RAB4A: variants seen among roughly 807,000 people sequenced by gnomAD.
The protein encoded by RAB4A is RAB4A, member RAS oncogene family.
Under a neutral mutation model 34.5 loss-of-function variants are expected in RAB4A, and 20 were observed. The observed-to-expected ratio is 0.58, with a 90% confidence interval of 0.41 to 0.84. The LOEUF (loss-of-function observed/expected upper bound fraction) is 0.84, where lower values mean the gene tolerates loss of function less well. RAB4A is among the 40% of genes least tolerant of loss of function. RAB4A has a pLI of 0.00. For missense variants in RAB4A, 228 were observed against 274.5 expected (o/e 0.83, Z 1.20); for synonymous variants, 102 against 100.0 (o/e 1.02, Z -0.12).
chr1:229,302,600 G>A (rs1657442849), intron 6 of RAB4A, among the ~76,000 whole-genome samples: 1 of 151,496 alleles, frequency 6.6e-6, no homozygotes, highest in East Asian at 1.9e-4. Context: ...GTATAAAAGA[G>A]TATGCAATGA....
chr1:229,279,066 C>T (rs915239703), intron 1 of RAB4A, among the ~76,000 whole-genome samples: 2 of 152,192 alleles, frequency 1.3e-5, no homozygotes, highest in Non-Finnish European at 2.9e-5. Context: ...TCTCAGTTTT[C>T]GTAATCACAG....
At chr1:229,295,142 G>C (rs942965663) in intron 3 of RAB4A, among the ~76,000 whole-genome samples, 1 of 151,916 alleles carries the variant, frequency 6.6e-6, no homozygotes, top group African/African-American at 2.4e-5. Flanking sequence ...TGTAGAGACA[G>C]GGTCTCTCTC....
At chr1:229,272,372 C>G (rs554295596) in intron 1 of RAB4A, among the ~76,000 whole-genome samples, 1 of 152,252 alleles carries the variant, frequency 6.6e-6, no homozygotes, top group African/African-American at 2.4e-5. Context: ...GCAACAAATA[C>G]TGTGGAATGG....
At chr1:229,299,938 C>T (rs1050948674) in intron 6 of RAB4A, among the ~76,000 whole-genome samples, 4 of 152,084 alleles carry the variant, frequency 2.6e-5, no homozygotes, top group African/African-American at 4.8e-5. Context: ...TGAGCTCAGT[C>T]TTTCAGAATA....
In RAB4A at chr1:229,299,979, G is replaced by C. The variant is rs1200955530; in HGVS notation, c.541+907G>C. ...AAGAGTGAGCCAGCAAAGGGAGTGAGGAAGAGGGAATAGCAGGAGAAAAGG... is the reference window on the plus strand; with the variant it reads ...AAGAGTGAGCCAGCAAAGGGAGTGACGAAGAGGGAATAGCAGGAGAAAAGG... On this transcript the variant is annotated intron_variant, in intron 6 of 7. Transcript: ENST00000366690. Among the ~76,000 whole-genome samples, 6 of 152,122 alleles carry C rather than the reference G, an allele frequency of 3.9e-5. No homozygotes were observed. The East Asian group carries it at 1.2e-3, about 29-fold the overall frequency.
In RAB4A at chr1:229,297,592, G is replaced by T. The variant is rs370982346; in HGVS notation, c.401G>T (p.Arg134Leu). 31 of 1,611,482 alleles carry T rather than the reference G, an allele frequency of 1.9e-5. No homozygotes were observed. Among genetic ancestry groups the T allele is most frequent in the Non-Finnish European group, 2.5e-5 (29 of 1,179,504 alleles). ...AACAAGAAGGACCTGGATGCAGATC[G>T]TGAAGTTACCTTCTTAGAAGCCTCC... is the stretch of plus-strand genomic sequence containing the variant. Reference protein sequence around the residue: ...CGNKKDLDADREVTFLEASRF... With the variant: ...CGNKKDLDADLEVTFLEASRF... Residue 134 changes from arginine to leucine, a missense_variant, in exon 5 of 8, where the codon CGT becomes CTT. Transcript: ENST00000366690.
intron 1 of RAB4A, among the ~76,000 whole-genome samples, chr1:229,277,771 C>A (rs1656687357): frequency 6.6e-6 from 1 of 151,326 alleles, no homozygotes; most frequent in South Asian, 2.1e-4. Flanking sequence ...ACTTCCCTGA[C>A]TGCTCCCTGG....
chr1:229,280,489 G>C, intron 1 of RAB4A, among the ~76,000 whole-genome samples: 1 of 152,138 alleles, frequency 6.6e-6, no homozygotes, highest in East Asian at 1.9e-4. Flanking sequence ...TGAATCCTTT[G>C]CTAGTTCTTC....
chr1:229,302,935 G>A lies in RAB4A; in HGVS notation c.615G>A (p.Pro205=), dbSNP rs370353834. ...GDAALRQLRS[P]RRAQAPNAQE... is the part of the protein sequence containing the mutation. ...CTGCCTTGAGACAGCTGAGGTCACC[G>A]CGGCGCGCACAGGCCCCGAACGCTC... Residue 205 remains proline, a synonymous_variant, in exon 7 of 8, where the codon CCG becomes CCA. Coordinates refer to ENST00000366690, the MANE Select transcript of RAB4A (RefSeq NM_004578.4). 26 of 1,613,970 alleles carry A rather than the reference G, an allele frequency of 1.6e-5. No homozygotes were observed. The highest frequency in any genetic ancestry group is 1.1e-4 in the East Asian group (5 of 44,884).
intron 1 of RAB4A, among the ~76,000 whole-genome samples, chr1:229,283,210 T>C (rs1454992527): frequency 6.6e-6 from 1 of 152,200 alleles, no homozygotes; most frequent in Non-Finnish European, 1.5e-5. Flanking sequence ...AGGATTAGAA[T>C]GTTCTCGTCC....
chr1:229,305,430 A>G lies in RAB4A; in HGVS notation c.*1637A>G. ...TAAATGTAAAGTTGTTTTATAAACG[A>G]TCCTGTTAATTAAACCACAGACACC... On this transcript the variant is annotated 3_prime_UTR_variant, in exon 8 of 8. Transcript: ENST00000366690. 1.3e-6 allele frequency: 1 copy of G among 796,338 alleles called. No individual in the cohort carries two copies. Among genetic ancestry groups the G allele is most frequent in the African/African-American group, 1.8e-5 (1 of 55,638 alleles). 49.3% of individuals were successfully genotyped at this position (796,338 alleles called of 1,614,324 possible). A position where few individuals can be genotyped will look rare whatever the true frequency, so the allele number is the denominator to read the frequency against.
chr1:229,287,614 A>C (rs2102844203), intron 2 of RAB4A, among the ~76,000 whole-genome samples: 1 of 152,304 alleles, frequency 6.6e-6, no homozygotes, highest in Middle Eastern at 3.4e-3. Context: ...TCACAACAGT[A>C]ATGAACGGAA....
intron 5 of RAB4A, 103 bp from the exon 6 acceptor site, chr1:229,298,874 A>T: frequency 1.3e-6 from 1 of 789,390 alleles, no homozygotes. Context: ...GTCATAAATT[A>T]TATTTCGTCT....
chr1:229,304,181 T>G lies in RAB4A; in HGVS notation c.*388T>G, dbSNP rs923196153. ...TTTTTTTTAATCATATGAACTAAAA[T>G]TGTCAATTGTGAGGTGTGCTTTTCT... On this transcript the variant is annotated 3_prime_UTR_variant, in exon 8 of 8. Transcript: ENST00000366690. The G allele has an allele frequency of 2.0e-5, 3 of 152,154 alleles. No homozygotes were observed. The highest frequency in any genetic ancestry group is 6.5e-5 in the Admixed American group (1 of 15,284). 9.4% of individuals were successfully genotyped at this position (152,154 alleles called of 1,614,324 possible). A position where few individuals can be genotyped will look rare whatever the true frequency, so the allele number is the denominator to read the frequency against.
intron 1 of RAB4A, among the ~76,000 whole-genome samples, chr1:229,274,343 G>A (rs1223865307): frequency 6.6e-6 from 1 of 151,882 alleles, no homozygotes; most frequent in African/African-American, 2.4e-5. Context: ...GAGATCACAG[G>A]CATGAGCCAC....
At chr1:229,276,851 A>G (rs1182304771) in intron 1 of RAB4A, among the ~76,000 whole-genome samples, 1 of 150,822 alleles carries the variant, frequency 6.6e-6, no homozygotes, top group Non-Finnish European at 1.5e-5. Context: ...TGACTATCTT[A>G]CAGCTTGCCA....
intron 2 of RAB4A, among the ~76,000 whole-genome samples, chr1:229,287,833 C>G (rs1255171786): frequency 6.6e-6 from 1 of 152,228 alleles, no homozygotes; most frequent in Non-Finnish European, 1.5e-5. Context: ...AGTGGCATCC[C>G]TGATCTCTGA....
chr1:229,289,209 G>T, intron 3 of RAB4A: 1 of 183,756 alleles, frequency 5.4e-6, no homozygotes. Context: ...ACCTTGTGAG[G>T]GTTTGTTTTG....
chr1:229,278,096 C>T (rs1189228034), intron 1 of RAB4A, among the ~76,000 whole-genome samples: 1 of 152,188 alleles, frequency 6.6e-6, no homozygotes, highest in African/African-American at 2.4e-5. Context: ...ATCTCCTAAC[C>T]TCAAGTGATC....
Sources: allele counts gnomAD v4.1 joint callset (sites outside exome capture counted in the v4.1 genomes callset), GRCh38; gene constraint gnomAD v4.1.1; transcripts MANE v1.5; gene names NCBI Gene and HGNC (gene_info 2026-07-23, HGNC 2026-07-21).